ZMYM2: variants seen among roughly 807,000 people sequenced by gnomAD.
ZMYM2 encodes the protein zinc finger MYM-type protein 2.
A neutral mutation model predicts 162.8 loss-of-function variants in ZMYM2; 56 were observed. The ratio of observed to expected loss-of-function variants is 0.34; its 90% CI spans 0.28 to 0.43. ZMYM2 has a LOEUF of 0.43. ZMYM2 is among the 20% of genes least tolerant of loss of function. The pLI, the probability that ZMYM2 is intolerant of heterozygous loss-of-function variation, is 1.00. For missense variants in ZMYM2, 1,275 were observed against 1,621.8 expected (o/e 0.79, Z 3.67); for synonymous variants, 510 against 541.6 (o/e 0.94, Z 0.81).
At chr13:20,079,335 A>G (rs1957749006) in intron 21 of ZMYM2, among the ~76,000 whole-genome samples, 1 of 142,882 alleles carries the variant, frequency 7.0e-6, no homozygotes, top group Non-Finnish European at 1.5e-5. Context: ...AAAAAAAAAA[A>G]AAAAAAAAGG....
At chr13:19,934,959 G>T in the ZMYM2 span, among the ~76,000 whole-genome samples, 1 of 151,762 alleles carries the variant, frequency 6.6e-6, no homozygotes, top group Non-Finnish European at 1.5e-5. Context: ...TAGAGACGAG[G>T]TTTCACCATG....
chr13:19,889,927 C>T, the ZMYM2 span, among the ~76,000 whole-genome samples: 4 of 151,622 alleles, frequency 2.6e-5, no homozygotes, highest in Non-Finnish European at 5.9e-5. Context: ...TTCTCATCTT[C>T]TTATGGGATG....
intron 21 of ZMYM2, among the ~76,000 whole-genome samples, chr13:20,068,877 G>C (rs2140905786): frequency 6.6e-6 from 1 of 152,096 alleles, no homozygotes; most frequent in African/African-American, 2.4e-5. Context: ...TCCTACTTTT[G>C]GGGGCTGTGT....
chr13:20,081,066 C>CT (rs1957877585), intron 21 of ZMYM2, among the ~76,000 whole-genome samples: 1 of 152,196 alleles, frequency 6.6e-6, no homozygotes, highest in African/African-American at 2.4e-5. Flanking sequence ...GAATTAAAAT[C>CT]TGTTATCCTT....
the ZMYM2 span, among the ~76,000 whole-genome samples, chr13:19,874,686 C>T: frequency 6.6e-6 from 1 of 151,418 alleles, no homozygotes; most frequent in African/African-American, 2.4e-5. Flanking sequence ...TTAATTTAAT[C>T]ATATTTGCCA....
chr13:19,997,403 A>G (rs576183190), intron 3 of ZMYM2, among the ~76,000 whole-genome samples: 4 of 152,302 alleles, frequency 2.6e-5, no homozygotes, highest in Admixed American at 2.6e-4. Context: ...TTTTTGGTTT[A>G]AAAATACATA....
At chr13:19,946,120 A>G in the ZMYM2 span, among the ~76,000 whole-genome samples, 1 of 152,154 alleles carries the variant, frequency 6.6e-6, no homozygotes, top group African/African-American at 2.4e-5. Context: ...ACCAATGTCA[A>G]TTCTTGCTCA....
At chr13:19,885,309 G>A in the ZMYM2 span, among the ~76,000 whole-genome samples, 5 of 152,184 alleles carry the variant, frequency 3.3e-5, no homozygotes, top group Admixed American at 2.6e-4. Context: ...TTTATTTGAT[G>A]CCTGAAAAGT....
At position 20,085,905 on chromosome 13, in the gene ZMYM2, C is replaced by A. The variant is rs758728168; in HGVS notation, c.4025C>A (p.Thr1342Lys). ...SSSTDSPVWY[T>K]STSLDRNTLE... is the part of the protein sequence containing the mutation. The stretch of plus-strand genomic sequence containing the variant: ...TCTACAGATAGCCCTGTCTGGTATA[C>A]GTCTACTTCACTGGACCGAAACACC... Residue 1342 changes from threonine to lysine, a missense_variant, in exon 25 of 25, where the codon ACG (threonine) becomes AAG (lysine). By Grantham distance (78) the Thr-to-Lys change is moderately conservative. Coordinates refer to ENST00000610343, the MANE Select transcript of ZMYM2 (RefSeq NM_197968.4). The A allele has an allele frequency of 1.2e-6, 2 of 1,613,604 alleles. No individual in the cohort carries two copies. Among genetic ancestry groups the A allele is most frequent in the Non-Finnish European group, 1.7e-6 (2 of 1,179,752 alleles).
At chr13:20,042,148 T>A (rs563932509) in intron 12 of ZMYM2, among the ~76,000 whole-genome samples, 1 of 152,334 alleles carries the variant, frequency 6.6e-6, no homozygotes, top group African/African-American at 2.4e-5. Context: ...TCCAGAAATA[T>A]GTTTTCCAAG....
chr13:19,973,396 C>T (rs1402141595), intron 2 of ZMYM2, among the ~76,000 whole-genome samples: 4 of 151,738 alleles, frequency 2.6e-5, no homozygotes, highest in Non-Finnish European at 4.4e-5. Context: ...AGGGGCCGGG[C>T]GTGGTGGTTT....
At chr13:20,058,810 A>G (rs977890127) in intron 15 of ZMYM2, 106 bp downstream of exon 15, 26 of 1,454,468 alleles carry the variant, frequency 1.8e-5, no homozygotes, top group African/African-American at 1.1e-4. Flanking sequence ...CATTTGGTCA[A>G]TTTGTCATTT....
chr13:19,878,155 C>T, the ZMYM2 span, among the ~76,000 whole-genome samples: 4 of 151,432 alleles, frequency 2.6e-5, no homozygotes, highest in South Asian at 2.1e-4. Context: ...TGGGTTCAAT[C>T]GATTCTCCTG....
Position 20,036,803 on chromosome 13 carries a change from A to T in ZMYM2, c.2186A>T (p.Tyr729Phe). The change falls in exon 12 of 25, where the codon TAT becomes TTT. Residue 729 changes from tyrosine (Y) to phenylalanine (F), a missense_variant. Physicochemically the swap from Tyr to Phe is conservative, Grantham distance 22. Coordinates refer to ENST00000610343, the MANE Select transcript of ZMYM2 (RefSeq NM_197968.4). The part of the protein sequence containing the change: ...RLGLRCVTCN[Y>F]CSQLCKKGAT... ...GGATTGAGATGTGTTACTTGCAACT[A>T]TTGTTCTCAGCTATGTAAGAAGGGA... is the stretch of plus-strand genomic sequence containing the variant. 6.2e-7 allele frequency: 1 copy of T among 1,607,024 alleles called. No individual in the cohort carries two copies. The highest frequency in any genetic ancestry group is 8.5e-7 in the Non-Finnish European group (1 of 1,176,350).
chr13:19,958,722 G>C (rs564060384), upstream of ZMYM2: 1 of 153,560 alleles, frequency 6.5e-6, no homozygotes, highest in African/African-American at 2.4e-5. Flanking sequence ...CGCCTCCTCC[G>C]CCTCCTCCTC....
chr13:19,869,652 G>A, the ZMYM2 span, among the ~76,000 whole-genome samples: 1 of 152,040 alleles, frequency 6.6e-6, no homozygotes, highest in Non-Finnish European at 1.5e-5. Flanking sequence ...ACCTGGGCTT[G>A]GTGGTACATG....
At chr13:19,875,121 G>A in the ZMYM2 span, among the ~76,000 whole-genome samples, 9 of 152,158 alleles carry the variant, frequency 5.9e-5, no homozygotes, top group Non-Finnish European at 8.8e-5. Context: ...GCACTAGTAT[G>A]CTCATCACAG....
intron 7 of ZMYM2, among the ~76,000 whole-genome samples, chr13:20,021,640 C>G (rs568821190): frequency 2.0e-5 from 3 of 152,092 alleles, no homozygotes. Context: ...AATCATCCCC[C>G]GTATTACAAG....
the ZMYM2 span, among the ~76,000 whole-genome samples, chr13:19,883,039 G>A: frequency 6.6e-6 from 1 of 152,134 alleles, no homozygotes; most frequent in Non-Finnish European, 1.5e-5. Context: ...ACAAAATGTG[G>A]TCTATACATA....
Sources: allele counts gnomAD v4.1 joint callset (sites outside exome capture counted in the v4.1 genomes callset), GRCh38; gene constraint gnomAD v4.1.1; transcripts MANE v1.5; gene names NCBI Gene and HGNC (gene_info 2026-07-23, HGNC 2026-07-21).